Variants in ZCCHC24 observed in about 807,000 individuals in gnomAD.
ZCCHC24 encodes the protein zinc finger CCHC-type containing 24.
In ZCCHC24, 10 loss-of-function variants were observed where a neutral mutation model predicts 26.2. That is an observed-to-expected ratio of 0.38 (90% CI 0.24 to 0.65). The LOEUF (loss-of-function observed/expected upper bound fraction) is 0.65. Among genes scored for constraint, ZCCHC24 ranks in the 30% least tolerant of loss-of-function variants. ZCCHC24 has a pLI of 0.54. For missense variants in ZCCHC24, 243 were observed against 329.1 expected, an observed-to-expected ratio of 0.74 and a Z score of 2.03; for synonymous variants, 144 against 147.1, an observed-to-expected ratio of 0.98 and a Z score of 0.15.
intron 2 of ZCCHC24, among the ~76,000 whole-genome samples, chr10:79,403,877 G>C (rs1376158928): frequency 6.6e-6 from 1 of 152,034 alleles, no homozygotes; most frequent in African/African-American, 2.4e-5. Context: ...GGGGAGGGGG[G>C]CATGGAGTGG....
At chr10:79,387,988 G>A (rs1258050414) in intron 3 of ZCCHC24, among the ~76,000 whole-genome samples, 2 of 152,142 alleles carry the variant, frequency 1.3e-5, no homozygotes, top group Non-Finnish European at 2.9e-5. Context: ...AGGCTTTCAG[G>A]TGACTGGCTT....
rs768352418 is a variant in ZCCHC24, at chr10:79,445,402, C to T, written c.39G>A (p.Ser13=). 59 of 1,499,426 alleles carry T rather than the reference C, an allele frequency of 3.9e-5. No homozygotes were observed. The highest frequency in any genetic ancestry group is 1.4e-5 in the African/African-American group (1 of 69,318). 92.9% of individuals were successfully genotyped at this position (1,499,426 alleles called of 1,614,324 possible). The part of the protein sequence containing the change: ...LLSAIDTSAA[S]VYQPAQLLNW... The stretch of plus-strand genomic sequence containing the variant: ...TGAGCAGCTGGGCGGGCTGGTACAC[C>T]GAGGCGGCGCTCGTGTCGATGGCCG... The change falls in exon 1 of 4, where the codon TCG becomes TCA. Residue 13 remains serine, a synonymous_variant. Coordinates refer to ENST00000372336, the MANE Select transcript of ZCCHC24 (RefSeq NM_153367.4).
At chr10:79,403,172 T>A (rs1384075056) in intron 2 of ZCCHC24, among the ~76,000 whole-genome samples, 1 of 152,212 alleles carries the variant, frequency 6.6e-6, no homozygotes, top group Non-Finnish European at 1.5e-5. Context: ...ACACTTGGAT[T>A]CACGCCCTCA....
chr10:79,394,560 T>A, intron 2 of ZCCHC24, 120 bp from the exon 3 acceptor site: 1 of 1,475,686 alleles, frequency 6.8e-7, no homozygotes, highest in Non-Finnish European at 9.0e-7. Flanking sequence ...CAGGCACCTT[T>A]TGTCCCCAGT....
chr10:79,387,570 A>G (rs377376726), intron 3 of ZCCHC24, among the ~76,000 whole-genome samples: 2 of 152,164 alleles, frequency 1.3e-5, no homozygotes. Context: ...GGTCCCCTGC[A>G]TGGACATGGG....
chr10:79,386,306 G>T lies in ZCCHC24; in HGVS notation c.*39C>A. ...GCACAGGGAAGCAGCGTCTCCTCGG[G>T]CTGGCGGGGGGTGGCTCTGGGTGCG... On this transcript the variant is annotated 3_prime_UTR_variant, in exon 4 of 4. Transcript: ENST00000372336. 1 of 1,586,546 alleles carries T rather than the reference G, an allele frequency of 6.3e-7. No homozygotes were observed. Among genetic ancestry groups the T allele is most frequent in the African/African-American group, 1.3e-5 (1 of 74,630 alleles).
Position 79,388,962 on chromosome 10 carries a change from C to A in ZCCHC24, c.613-2504G>T, listed in dbSNP as rs887153258. Reference sequence around the variant, plus strand: ...CCACACATGCTGTTTCCAAGCCCTGCACTGCAGGGACATACTGCCTACCGC... The same window carrying A: ...CCACACATGCTGTTTCCAAGCCCTGAACTGCAGGGACATACTGCCTACCGC... On this transcript the variant is annotated intron_variant, in intron 3 of 3. Transcript: ENST00000372336. Among the ~76,000 whole-genome samples the A allele has an allele frequency of 1.3e-4, 20 of 152,218 alleles. 1 individual carries two copies. The highest frequency in any genetic ancestry group is 3.3e-4 in the Admixed American group (5 of 15,282).
Position 79,445,617 on chromosome 10 carries a change from C to T in ZCCHC24, c.-177G>A. ...AGCCGCTGCCGCTGCCGCCGCCTCC[C>T]CCCGACTGCGGCCCCGGCGCGCGCA... is the stretch of plus-strand genomic sequence containing the variant. On this transcript the variant is annotated 5_prime_UTR_variant, in exon 1 of 4. Coordinates refer to ENST00000372336, the MANE Select transcript of ZCCHC24 (RefSeq NM_153367.4). 2.5e-6 allele frequency: 1 copy of T among 403,284 alleles called. No homozygotes were observed. The highest frequency in any genetic ancestry group is 3.4e-6 in the Non-Finnish European group (1 of 296,260). 25.0% of individuals were successfully genotyped at this position (403,284 alleles called of 1,614,324 possible). A position where few individuals can be genotyped will look rare whatever the true frequency, so the allele number is the denominator to read the frequency against.
intron 1 of ZCCHC24, among the ~76,000 whole-genome samples, chr10:79,436,007 G>A (rs1038201678): frequency 6.6e-6 from 1 of 152,208 alleles, no homozygotes; most frequent in African/African-American, 2.4e-5. Flanking sequence ...GAAGAAGGGT[G>A]ACCTTGCTGA....
At chr10:79,429,643 A>G (rs1482029489) in intron 2 of ZCCHC24, among the ~76,000 whole-genome samples, 1 of 152,216 alleles carries the variant, frequency 6.6e-6, no homozygotes, top group Non-Finnish European at 1.5e-5. Flanking sequence ...GGTGATGACA[A>G]TGTTCTCTGA....
intron 2 of ZCCHC24, among the ~76,000 whole-genome samples, chr10:79,415,407 A>G (rs1856846205): frequency 6.6e-6 from 1 of 152,152 alleles, no homozygotes; most frequent in Admixed American, 6.5e-5. Context: ...TTGACCTCAC[A>G]CACACTGGCC....
At chr10:79,425,899 T>C (rs1165194452) in intron 2 of ZCCHC24, among the ~76,000 whole-genome samples, 1 of 152,208 alleles carries the variant, frequency 6.6e-6, no homozygotes, top group Non-Finnish European at 1.5e-5. Flanking sequence ...TCCTAATCCT[T>C]CTTGGTTCAG....
intron 2 of ZCCHC24, among the ~76,000 whole-genome samples, chr10:79,414,517 G>C (rs971817819): frequency 4.6e-5 from 7 of 152,206 alleles, no homozygotes; most frequent in Non-Finnish European, 8.8e-5. Flanking sequence ...ACATGACCTA[G>C]GGAATCTGAG....
In ZCCHC24 at chr10:79,389,297, G is replaced by A. The variant is rs140288286; in HGVS notation, c.613-2839C>T. On this transcript the variant is annotated intron_variant, in intron 3 of 3. Transcript: ENST00000372336. ...GGGCAGAACCTCCATGGAGACTGAAGGGGTCACTGCCAGCTTGTTTTGAAG... is the reference window on the plus strand; with the variant it reads ...GGGCAGAACCTCCATGGAGACTGAAAGGGTCACTGCCAGCTTGTTTTGAAG... Among the ~76,000 whole-genome samples, 68 of 152,352 alleles carry A rather than the reference G, an allele frequency of 4.5e-4. No individual in the cohort carries two copies. In the East Asian group the frequency reaches 0.011, roughly 25 times the overall value.
intron 2 of ZCCHC24, among the ~76,000 whole-genome samples, chr10:79,419,665 C>A (rs932800769): frequency 5.9e-5 from 9 of 152,156 alleles, no homozygotes; most frequent in African/African-American, 1.2e-4. Flanking sequence ...TCAGAGGAGG[C>A]CAGTCCCTCT....
intron 1 of ZCCHC24, among the ~76,000 whole-genome samples, chr10:79,439,493 G>A (rs1374131074): frequency 2.0e-5 from 3 of 152,144 alleles, no homozygotes; most frequent in African/African-American, 7.2e-5. Flanking sequence ...CAGCTAGCAT[G>A]TCCTGCACGC....
intron 1 of ZCCHC24, chr10:79,444,347 G>A: frequency 1.6e-6 from 2 of 1,251,446 alleles, no homozygotes; most frequent in Non-Finnish European, 2.1e-6. Flanking sequence ...GGCGATCTGT[G>A]TATTTATCTT....
At chr10:79,397,763 G>A (rs1373455366) in intron 2 of ZCCHC24, among the ~76,000 whole-genome samples, 2 of 152,148 alleles carry the variant, frequency 1.3e-5, no homozygotes, top group African/African-American at 4.8e-5. Context: ...CTGGTGCCTG[G>A]CCTCACACAG....
At chr10:79,432,902 A>C in intron 1 of ZCCHC24, 144 bp from the exon 2 acceptor site, 2 of 882,094 alleles carry the variant, frequency 2.3e-6, no homozygotes, top group Non-Finnish European at 3.3e-6. Context: ...TCAAATCCTA[A>C]CTAGTGTGTC....
Sources: gnomAD v4.1 joint callset for allele counts (sites outside exome capture counted in the v4.1 genomes callset) on GRCh38, gnomAD v4.1.1 for gene constraint, MANE v1.5 for transcripts, NCBI Gene and HGNC (gene_info 2026-07-23, HGNC 2026-07-21) for gene names.